SUPT3H: variants seen among roughly 807,000 people sequenced by gnomAD.
SUPT3H encodes the protein SPT3 homolog, SAGA and STAGA complex component, also known as transcription initiation protein SPT3 homolog.
Under a neutral mutation model 44.3 loss-of-function variants are expected in SUPT3H, and 44 were observed. That is an observed-to-expected ratio of 0.99 (90% CI 0.78 to 1.28). The LOEUF is 1.28. Among genes scored for constraint, SUPT3H ranks in the 50% most tolerant of loss-of-function variants. SUPT3H has a pLI of 0.00. For missense variants in SUPT3H, 380 were observed against 387.1 expected, an observed-to-expected ratio of 0.98 and a Z score of 0.15; for synonymous variants, 124 against 125.6, an observed-to-expected ratio of 0.99 and a Z score of 0.09.
chr6:44,938,740 C>T (rs1033848774), intron 9 of SUPT3H, among the ~76,000 whole-genome samples: 24 of 152,106 alleles, frequency 1.6e-4, no homozygotes, highest in African/African-American at 2.4e-4. Flanking sequence ...GTATCCTCTA[C>T]AATTACTTTC....
At chr6:44,968,482 G>C (rs944865851) in intron 6 of SUPT3H, among the ~76,000 whole-genome samples, 5 of 152,088 alleles carry the variant, frequency 3.3e-5, no homozygotes, top group Admixed American at 6.6e-5. Flanking sequence ...AGGCAATCCA[G>C]TACCCCAGTG....
At chr6:45,118,106 A>C (rs564570633) in intron 2 of SUPT3H, among the ~76,000 whole-genome samples, 1 of 152,126 alleles carries the variant, frequency 6.6e-6, no homozygotes, top group Non-Finnish European at 1.5e-5. Flanking sequence ...TAACTTAAAA[A>C]TTTGGCATGC....
Position 45,089,140 on chromosome 6 carries a change from G to C in SUPT3H, c.186+16782C>G, listed in dbSNP as rs555028560. On this transcript the variant is annotated intron_variant, in intron 3 of 10. Coordinates refer to ENST00000371459, the MANE Select transcript of SUPT3H (RefSeq NM_003599.4). ...AATTTTATGGCAAAATGCTTGCCAA[G>C]AGTAGCCTATAACATTTTCCTTTAG... Among the ~76,000 whole-genome samples the C allele has an allele frequency of 4.6e-5, 7 of 152,090 alleles. No homozygotes were observed. The East Asian group carries it at 1.4e-3, about 29-fold the overall frequency.
intron 3 of SUPT3H, among the ~76,000 whole-genome samples, chr6:45,049,597 A>T (rs1211025180): frequency 6.6e-6 from 1 of 152,176 alleles, no homozygotes; most frequent in African/African-American, 2.4e-5. Context: ...CCAAACTCAC[A>T]GTTGCGCCAA....
chr6:45,204,536 T>C (rs1762938950), intron 2 of SUPT3H, among the ~76,000 whole-genome samples: 1 of 152,196 alleles, frequency 6.6e-6, no homozygotes, highest in Non-Finnish European at 1.5e-5. Context: ...GTCAGGAAGA[T>C]GCTCGTTCCT....
chr6:45,192,351 G>T (rs982400106), intron 2 of SUPT3H, among the ~76,000 whole-genome samples: 4 of 151,930 alleles, frequency 2.6e-5, no homozygotes, highest in African/African-American at 9.7e-5. Flanking sequence ...AAACGAAACT[G>T]TTTGAAAAAG....
At position 44,956,206 on chromosome 6, in the gene SUPT3H, C is replaced by T. The variant is rs551065982; in HGVS notation, c.581-1599G>A. 2.7e-3 allele frequency among the ~76,000 whole-genome samples: 384 copies of T among 141,214 alleles called. 2 individuals carry two copies. The highest frequency in any genetic ancestry group is 8.0e-3 in the African/African-American group (303 of 38,086). 92.6% of individuals were successfully genotyped at this position (141,214 alleles called of 152,430 possible). A position where few individuals can be genotyped will look rare whatever the true frequency, so the allele number is the denominator to read the frequency against. On this transcript the variant is annotated intron_variant, in intron 7 of 10. Coordinates refer to ENST00000371459, the MANE Select transcript of SUPT3H (RefSeq NM_003599.4). ...ATACGTTTAAAAAAAGTGTCTAGGTCGGGCGCGGTGGCTCACGCCTGTAAT... is the reference window on the plus strand; with the variant it reads ...ATACGTTTAAAAAAAGTGTCTAGGTTGGGCGCGGTGGCTCACGCCTGTAAT...
chr6:44,851,590 T>C (rs1362747438), intron 10 of SUPT3H, among the ~76,000 whole-genome samples: 4 of 152,182 alleles, frequency 2.6e-5, no homozygotes, highest in Non-Finnish European at 5.9e-5. Context: ...TTGGAGAAAC[T>C]TGTCAAAATG....
At position 44,812,856 on chromosome 6, in the gene SUPT3H, A is replaced by G. The variant is rs890518766; in HGVS notation, c.*53-3355T>C. Reference sequence around the variant, plus strand: ...TGAGGGACCATGATTCCCTGACCAGAGGAAACTACAGAGAAATAAGTCTAT... The same window carrying G: ...TGAGGGACCATGATTCCCTGACCAGGGGAAACTACAGAGAAATAAGTCTAT... On this transcript the variant is annotated intron_variant and NMD_transcript_variant, in intron 11 of 11. Transcript: ENST00000475057. Among the ~76,000 whole-genome samples the G allele has an allele frequency of 5.9e-5, 9 of 152,332 alleles. 1 individual carries two copies. The South Asian group carries it at 1.9e-3, about 32-fold the overall frequency.
At chr6:45,299,967 GCA>G (rs1296064929) in intron 2 of SUPT3H, among the ~76,000 whole-genome samples, 4 of 151,322 alleles carry the variant, frequency 2.6e-5, no homozygotes, top group East Asian at 1.9e-4. Flanking sequence ...ATATATGTGT[GCA>G]CACACACACA....
Position 45,105,524 on chromosome 6 carries a change from T to C in SUPT3H, c.186+398A>G, listed in dbSNP as rs112424988. ...TTTACACTATACTATAGTCTATTGA[T>C]TGTCAAATGGCATGTCTAAAAAATA... On this transcript the variant is annotated intron_variant, in intron 3 of 10. Transcript: ENST00000371459. 2.6e-3 allele frequency among the ~76,000 whole-genome samples: 392 copies of C among 152,302 alleles called. 3 individuals are homozygous for C. The highest frequency in any genetic ancestry group is 8.6e-3 in the African/African-American group (358 of 41,562).
At chr6:45,163,662 A>G (rs1809392339) in intron 2 of SUPT3H, among the ~76,000 whole-genome samples, 2 of 152,136 alleles carry the variant, frequency 1.3e-5, no homozygotes, top group Non-Finnish European at 2.9e-5. Flanking sequence ...AAGGACCACT[A>G]TCTTTTTACC....
intron 11 of SUPT3H, among the ~76,000 whole-genome samples, chr6:44,819,517 A>AGTG (rs35714322): frequency 0.41 from 61,779 of 149,692 alleles, 13,061 homozygotes; most frequent in East Asian, 0.69. Context: ...CATAGATAAG[A>AGTG]GTGGTGATTC....
rs895762366 is a variant in SUPT3H at position 45,291,546 on chromosome 6, A to G, written c.101+73655T>C. Among the ~76,000 whole-genome samples, 2 of 152,200 alleles carry G rather than the reference A, an allele frequency of 1.3e-5. 1 individual carries two copies. The highest frequency in any genetic ancestry group is 1.3e-4 in the Admixed American group (2 of 15,270). On this transcript the variant is annotated intron_variant, in intron 2 of 10. Transcript: ENST00000371459. ...GTGGCCACAATGTAAGGAAATCCAA[A>G]AAATATTACACGAAGTGAAGGAAGA... is the stretch of plus-strand genomic sequence containing the variant.
intron 3 of SUPT3H, among the ~76,000 whole-genome samples, chr6:45,073,218 A>G (rs975854076): frequency 2.0e-5 from 3 of 152,052 alleles, no homozygotes; most frequent in African/African-American, 7.2e-5. Flanking sequence ...CAATATAATG[A>G]AACCTACCAA....
chr6:45,114,255 T>C (rs941966413), intron 2 of SUPT3H, among the ~76,000 whole-genome samples: 7 of 152,098 alleles, frequency 4.6e-5, no homozygotes, highest in African/African-American at 1.7e-4. Flanking sequence ...CCTTGGAACA[T>C]ATCAGTGAAC....
intron 3 of SUPT3H, among the ~76,000 whole-genome samples, chr6:45,079,745 T>C (rs1373773020): frequency 6.6e-6 from 1 of 152,154 alleles, no homozygotes; most frequent in Non-Finnish European, 1.5e-5. Flanking sequence ...TGGATATCCA[T>C]ATGCAGAAGA....
chr6:45,092,012 A>G (rs768183724), intron 3 of SUPT3H, among the ~76,000 whole-genome samples: 4 of 152,016 alleles, frequency 2.6e-5, no homozygotes, highest in Non-Finnish European at 5.9e-5. Flanking sequence ...TTTAATATAT[A>G]TTTTCTGGAA....
chr6:45,016,505 C>A (rs1257096599), intron 4 of SUPT3H, among the ~76,000 whole-genome samples: 1 of 113,908 alleles, frequency 8.8e-6, no homozygotes, highest in African/African-American at 3.4e-5. Flanking sequence ...CCCCCCACCC[C>A]ACAACAGTCC....
Sources: allele counts gnomAD v4.1 joint callset (sites outside exome capture counted in the v4.1 genomes callset), GRCh38; gene constraint gnomAD v4.1.1; transcripts MANE v1.5; gene names NCBI Gene and HGNC (gene_info 2026-07-23, HGNC 2026-07-21).